NUDT3: variants seen among roughly 807,000 people sequenced by gnomAD.
The protein encoded by NUDT3 is diphosphoinositol polyphosphate phosphohydrolase 1.
Under a neutral mutation model 23.6 loss-of-function variants are expected in NUDT3, and 9 were observed. The ratio of observed to expected loss-of-function variants is 0.38; its 90% CI spans 0.23 to 0.66. NUDT3 has a LOEUF of 0.66. NUDT3 is among the 30% of genes least tolerant of loss of function. The pLI, the probability that NUDT3 is intolerant of heterozygous loss-of-function variation, is 0.52. For synonymous variants in NUDT3, 86 were observed against 82.6 expected (o/e 1.04, Z -0.22); for missense variants, 172 against 218.5 (o/e 0.79, Z 1.34).
At position 34,353,303 on chromosome 6, in the gene NUDT3, A is replaced by G. The variant is rs145453081; in HGVS notation, c.100-11331T>C. Among the ~76,000 whole-genome samples the G allele has an allele frequency of 7.0e-4, 106 of 152,248 alleles. 1 individual carries two copies. In the East Asian group the frequency reaches 0.011, roughly 16 times the overall value. ...ACAGGGTATGTTTTTAAAACTTATT[A>G]TTTGTTATACACAAATTTCAAACAT... On this transcript the variant is annotated intron_variant, in intron 1 of 4. Transcript: ENST00000607016.
At chr6:34,289,631 T>TA (rs1337690913) in intron 4 of NUDT3, among the ~76,000 whole-genome samples, 1 of 152,212 alleles carries the variant, frequency 6.6e-6, no homozygotes, top group African/African-American at 2.4e-5. Context: ...TTGTAATCAG[T>TA]AATTCATTTA....
chr6:34,291,014 C>T (rs1763413814), intron 4 of NUDT3, among the ~76,000 whole-genome samples: 1 of 151,912 alleles, frequency 6.6e-6, no homozygotes. Context: ...GGCTGGAGTG[C>T]AGTGGCGTTA....
intron 1 of NUDT3, among the ~76,000 whole-genome samples, chr6:34,351,226 A>AAAAAAAAAAAAAAAAAAAAAAAAAAAAC (rs1554154786): frequency 7.5e-6 from 1 of 133,976 alleles, no homozygotes; most frequent in African/African-American, 3.1e-5. Flanking sequence ...AAAAAAAAAA[A>AAAAAAAAAAAAAAAAAAAAAAAAAAAAC]CACTTTGGGA....
chr6:34,292,439 C>A (rs1033710569), intron 4 of NUDT3, among the ~76,000 whole-genome samples: 3 of 152,114 alleles, frequency 2.0e-5, no homozygotes, highest in African/African-American at 7.2e-5. Context: ...CATGAACCAA[C>A]CTTTGTACCA....
chr6:34,311,796 G>C (rs963619528), intron 2 of NUDT3, among the ~76,000 whole-genome samples: 13 of 152,054 alleles, frequency 8.5e-5, no homozygotes, highest in Non-Finnish European at 1.3e-4. Flanking sequence ...TTTGACAAAG[G>C]AATAAGAACG....
chr6:34,349,811 C>G (rs561589912), intron 1 of NUDT3, among the ~76,000 whole-genome samples: 2 of 150,880 alleles, frequency 1.3e-5, no homozygotes, highest in Admixed American at 1.3e-4. Context: ...ATTATCTAGG[C>G]CAGGCACGGT....
At position 34,286,113 on chromosome 6, in the gene NUDT3, A is replaced by AC. The variant is rs1437866673; in HGVS notation, c.*2639dup. On this transcript the variant is annotated 3_prime_UTR_variant, in exon 5 of 5. Coordinates refer to ENST00000607016, the MANE Select transcript of NUDT3 (RefSeq NM_006703.4). Reference sequence around the variant, plus strand: ...TATTTATTTATTAAGACAGAGTCTTACTCTGTTGCCCAGGCTGGAGTGCAG... The same window carrying AC: ...TATTTATTTATTAAGACAGAGTCTTACCTCTGTTGCCCAGGCTGGAGTGCAG... The AC allele has an allele frequency of 6.6e-6, 1 of 152,108 alleles. No individual in the cohort carries two copies. The highest frequency in any genetic ancestry group is 1.9e-4 in the East Asian group (1 of 5,192). 9.4% of individuals were successfully genotyped at this position (152,108 alleles called of 1,614,324 possible).
intron 2 of NUDT3, among the ~76,000 whole-genome samples, chr6:34,328,578 C>T (rs1764078635): frequency 6.6e-6 from 1 of 152,098 alleles, no homozygotes; most frequent in African/African-American, 2.4e-5. Context: ...GGCTGGAATG[C>T]ACTGGTGCAA....
chr6:34,293,381 G>A (rs1763452526), intron 4 of NUDT3, 70 bp downstream of exon 4: 1 of 1,578,198 alleles, frequency 6.3e-7, no homozygotes, highest in South Asian at 1.1e-5. Context: ...TTCTGGTTCT[G>A]GTCATGACCT....
intron 2 of NUDT3, among the ~76,000 whole-genome samples, chr6:34,336,035 G>A (rs1053682680): frequency 1.3e-5 from 2 of 152,180 alleles, no homozygotes; most frequent in Admixed American, 6.5e-5. Flanking sequence ...TTGGGAGGCC[G>A]AGGCGGGTGG....
chr6:34,295,275 C>T (rs765253525), intron 3 of NUDT3, among the ~76,000 whole-genome samples: 4 of 151,868 alleles, frequency 2.6e-5, no homozygotes, highest in Admixed American at 6.6e-5. Flanking sequence ...GTAATCCTGG[C>T]ATTTTGGGAG....
intron 1 of NUDT3, among the ~76,000 whole-genome samples, chr6:34,391,527 T>C (rs925911493): frequency 4.0e-4 from 61 of 152,166 alleles, no homozygotes; most frequent in African/African-American, 1.4e-3. Flanking sequence ...GCTAATTTAA[T>C]CCTAAGAGTC....
At chr6:34,295,414 T>C (rs561867938) in intron 3 of NUDT3, among the ~76,000 whole-genome samples, 2 of 152,040 alleles carry the variant, frequency 1.3e-5, no homozygotes, top group African/African-American at 2.4e-5. Flanking sequence ...CTCACCTACC[T>C]GGGAGGCTGA....
chr6:34,314,852 T>C (rs1430155322), intron 2 of NUDT3, among the ~76,000 whole-genome samples: 1 of 152,168 alleles, frequency 6.6e-6, no homozygotes, highest in Non-Finnish European at 1.5e-5. Context: ...AAGCAGATAT[T>C]ATATCATGAT....
chr6:34,386,150 T>TAA (rs1214648716), intron 1 of NUDT3, among the ~76,000 whole-genome samples: 1 of 152,236 alleles, frequency 6.6e-6, no homozygotes, highest in Admixed American at 6.5e-5. Flanking sequence ...GCCTGCTGTG[T>TAA]AACAGCCAAG....
At position 34,285,408 on chromosome 6, in the gene NUDT3, T is replaced by TA. The variant is rs1482842731; in HGVS notation, c.*3344dup. 6.6e-6 allele frequency: 1 copy of TA among 152,202 alleles called. No homozygotes were observed. Among genetic ancestry groups the TA allele is most frequent in the Non-Finnish European group, 1.5e-5 (1 of 68,042 alleles). The allele number at this position is 152,202 out of a possible 1,614,324, so 9.4% of individuals were successfully genotyped here. A position where few individuals can be genotyped will look rare whatever the true frequency, so the allele number is the denominator to read the frequency against. ...TCCCCAATGACTGTAATTTATAAAC[T>TA]AAAAATTTTTACAAATCCACTGCTA... On this transcript the variant is annotated 3_prime_UTR_variant, in exon 5 of 5. Coordinates refer to ENST00000607016, the MANE Select transcript of NUDT3 (RefSeq NM_006703.4).
At chr6:34,333,707 C>T (rs909893250) in intron 2 of NUDT3, among the ~76,000 whole-genome samples, 1 of 152,184 alleles carries the variant, frequency 6.6e-6, no homozygotes, top group Non-Finnish European at 1.5e-5. Flanking sequence ...CCATGGGTTG[C>T]CATGCTTTTA....
chr6:34,372,828 G>C (rs551269782), intron 1 of NUDT3, among the ~76,000 whole-genome samples: 1 of 151,876 alleles, frequency 6.6e-6, no homozygotes, highest in East Asian at 2.0e-4. Context: ...TATATACTTT[G>C]TGAGATTGGA....
chr6:34,346,386 A>G (rs1764370156), intron 1 of NUDT3, among the ~76,000 whole-genome samples: 1 of 152,216 alleles, frequency 6.6e-6, no homozygotes, highest in African/African-American at 2.4e-5. Context: ...TTTGCCAGCC[A>G]TTATAAACCT....
Sources: gnomAD v4.1 joint callset for allele counts (sites outside exome capture counted in the v4.1 genomes callset) on GRCh38, gnomAD v4.1.1 for gene constraint, MANE v1.5 for transcripts, NCBI Gene and HGNC (gene_info 2026-07-23, HGNC 2026-07-21) for gene names.